The following CDK12 variants were observed in gnomAD, a reference collection of about 807,000 sequenced individuals.
CDK12 encodes cyclin dependent kinase 12, also known as cyclin-dependent kinase 12.
In CDK12, 17 loss-of-function variants were observed where a neutral mutation model predicts 133.8. That is an observed-to-expected ratio of 0.13 (90% CI 0.09 to 0.19). The LOEUF (loss-of-function observed/expected upper bound fraction) is 0.19, where lower values mean the gene tolerates loss of function less well. Among genes scored for constraint, CDK12 ranks in the 10% least tolerant of loss-of-function variants. CDK12 has a pLI of 1.00. For synonymous variants in CDK12, 694 were observed against 683.6 expected, an observed-to-expected ratio of 1.02 and a Z score of -0.24; for missense variants, 1,508 against 1,818.7, an observed-to-expected ratio of 0.83 and a Z score of 3.11.
chr17:39,484,095 C>T (rs778935070), intron 2 of CDK12, among the ~76,000 whole-genome samples: 5 of 152,126 alleles, frequency 3.3e-5, no homozygotes, highest in East Asian at 3.8e-4. Flanking sequence ...ATGCCTACCT[C>T]GGCATTCCAA....
chr17:39,481,265 G>A (rs201656895), intron 2 of CDK12, among the ~76,000 whole-genome samples: 256 of 129,238 alleles, frequency 2.0e-3, no homozygotes, highest in Middle Eastern at 4.0e-3. Context: ...AAAAAAAAAA[G>A]AAAAAAAAAA....
chr17:39,506,874 A>G (rs1224863988), intron 6 of CDK12, among the ~76,000 whole-genome samples: 4 of 152,038 alleles, frequency 2.6e-5, no homozygotes, highest in African/African-American at 9.7e-5. Flanking sequence ...TTTGTATTGT[A>G]TTTTATTTTG....
intron 2 of CDK12, among the ~76,000 whole-genome samples, chr17:39,478,121 T>A (rs2050365008): frequency 6.7e-6 from 1 of 149,256 alleles, no homozygotes; most frequent in Non-Finnish European, 1.5e-5. Context: ...TGTCCCAAAC[T>A]CCTCAACTCA....
chr17:39,469,715 G>T (rs1221485428), intron 1 of CDK12, among the ~76,000 whole-genome samples: 1 of 147,232 alleles, frequency 6.8e-6, no homozygotes, highest in Admixed American at 7.0e-5. Context: ...TCGGCTCACC[G>T]TAACCTCTGC....
intron 8 of CDK12, among the ~76,000 whole-genome samples, chr17:39,514,029 G>T (rs2053646166): frequency 6.6e-6 from 1 of 152,058 alleles, no homozygotes; most frequent in Non-Finnish European, 1.5e-5. Context: ...ACTTGATGTG[G>T]CAGTTAATGT....
intron 2 of CDK12, among the ~76,000 whole-genome samples, chr17:39,474,856 T>TG (rs2050069883): frequency 6.8e-6 from 1 of 148,072 alleles, no homozygotes; most frequent in Non-Finnish European, 1.5e-5. Flanking sequence ...TTTTTTGAGA[T>TG]GGAGTCTCTT....
chr17:39,555,405 A>G (rs1360181134), intron 2 of CDK12, among the ~76,000 whole-genome samples: 1 of 151,516 alleles, frequency 6.6e-6, no homozygotes, highest in Non-Finnish European at 1.5e-5. Flanking sequence ...TGCCAGGATG[A>G]GGGACCTCTG....
intron 3 of CDK12, 80 bp downstream of exon 3, chr17:39,490,813 A>G (rs2051531544): frequency 5.8e-6 from 6 of 1,033,208 alleles, no homozygotes; most frequent in Non-Finnish European, 8.3e-6. Flanking sequence ...TTCTTCTATA[A>G]CCCACACCAG....
At chr17:39,486,375 C>G (rs1262813324) in intron 2 of CDK12, among the ~76,000 whole-genome samples, 1 of 150,380 alleles carries the variant, frequency 6.6e-6, no homozygotes, top group Non-Finnish European at 1.5e-5. Context: ...AAGTGATCCT[C>G]TCGCTTCAGC....
chr17:39,485,578 AATTTTTTTTGT>A (rs1797735531), intron 2 of CDK12, among the ~76,000 whole-genome samples: 1 of 151,814 alleles, frequency 6.6e-6, no homozygotes, highest in Non-Finnish European at 1.5e-5. Flanking sequence ...ACGCCTGGCT[AATTTTTTTTGT>A]ATTTTGGTAG....
At chr17:39,530,410 G>A in intron 13 of CDK12, 194 bp from the exon 14 acceptor site, 1 of 668,386 alleles carries the variant, frequency 1.5e-6, no homozygotes, top group Non-Finnish European at 2.3e-6. Flanking sequence ...CTAGCTGTTA[G>A]ATCCAGGATG....
At chr17:39,519,871 G>T in intron 10 of CDK12, 85 bp from the exon 11 acceptor site, 1 of 1,519,546 alleles carries the variant, frequency 6.6e-7, no homozygotes. Flanking sequence ...TGGAATTACA[G>T]GTGTGAGACC....
At chr17:39,488,991 G>C (rs955773811) in intron 2 of CDK12, among the ~76,000 whole-genome samples, 3 of 151,902 alleles carry the variant, frequency 2.0e-5, no homozygotes, top group African/African-American at 4.8e-5. Context: ...TGCGATCTCA[G>C]CTCACTGCAA....
chr17:39,537,452 G>C (rs2055182645), downstream of CDK12, among the ~76,000 whole-genome samples: 1 of 152,096 alleles, frequency 6.6e-6, no homozygotes, highest in Admixed American at 6.5e-5. Flanking sequence ...AGAAAATGAA[G>C]CAATATAAGA....
intron 6 of CDK12, among the ~76,000 whole-genome samples, chr17:39,507,576 G>A (rs2053217868): frequency 6.6e-6 from 1 of 151,890 alleles, no homozygotes; most frequent in South Asian, 2.1e-4. Context: ...AGTGCTATCA[G>A]CAGGTTCTGT....
intron 1 of CDK12, among the ~76,000 whole-genome samples, chr17:39,467,671 A>T (rs1337594968): frequency 1.3e-5 from 2 of 152,130 alleles, no homozygotes; most frequent in Non-Finnish European, 2.9e-5. Context: ...AGCTGGCATT[A>T]GTGTTTTGGG....
At position 39,492,898 on chromosome 17, in the gene CDK12, T is replaced by G. The variant is rs763371637; in HGVS notation, c.2248+8T>G. 2.5e-6 allele frequency: 4 copies of G among 1,590,326 alleles called. No homozygotes were observed. Among genetic ancestry groups the G allele is most frequent in the Non-Finnish European group, 3.4e-6 (4 of 1,172,256 alleles). ...CCAAGGACAAAGACACAGGTAAATA[T>G]TGCCACAAAATTTTAGATGTCAGAA... On this transcript the variant is annotated splice_region_variant and intron_variant, in intron 4 of 13. Transcript: ENST00000447079.
intron 11 of CDK12, among the ~76,000 whole-genome samples, chr17:39,520,877 C>T (rs991881530): frequency 3.9e-5 from 6 of 152,094 alleles, no homozygotes; most frequent in East Asian, 1.9e-4. Context: ...GATGGAGTTT[C>T]GCTCTTGTTC....
chr17:39,518,241 T>G (rs1323746888), intron 10 of CDK12, among the ~76,000 whole-genome samples: 1 of 152,060 alleles, frequency 6.6e-6, no homozygotes, highest in Non-Finnish European at 1.5e-5. Flanking sequence ...CCTTCCAAAG[T>G]GCTGGGATTA....
Sources: gnomAD v4.1 joint callset for allele counts (sites outside exome capture counted in the v4.1 genomes callset) on GRCh38, gnomAD v4.1.1 for gene constraint, MANE v1.5 for transcripts, NCBI Gene and HGNC (gene_info 2026-07-23, HGNC 2026-07-21) for gene names.